ADGRL3: variants seen among roughly 807,000 people sequenced by gnomAD.
ADGRL3 encodes the protein adhesion G protein-coupled receptor L3.
Under a neutral mutation model 153.5 loss-of-function variants are expected in ADGRL3, and 62 were observed. That is an observed-to-expected ratio of 0.40 (90% CI 0.33 to 0.50). The LOEUF (loss-of-function observed/expected upper bound fraction) is 0.50, where lower values mean the gene tolerates loss of function less well. Among genes scored for constraint, ADGRL3 ranks in the 20% least tolerant of loss-of-function variants. ADGRL3 has a pLI of 0.47. For missense variants in ADGRL3, 1,641 were observed against 1,859.4 expected, an observed-to-expected ratio of 0.88 and a Z score of 2.16; for synonymous variants, 710 against 672.5, an observed-to-expected ratio of 1.06 and a Z score of -0.86.
At chr4:61,712,197 C>T (rs1423244661) in intron 6 of ADGRL3, among the ~76,000 whole-genome samples, 1 of 151,910 alleles carries the variant, frequency 6.6e-6, no homozygotes, top group African/African-American at 2.4e-5. Flanking sequence ...AATTCGAGAC[C>T]AGTCTGGGCA....
chr4:61,986,378 T>G (rs934106847), intron 19 of ADGRL3, among the ~76,000 whole-genome samples: 1 of 152,190 alleles, frequency 6.6e-6, no homozygotes, highest in African/African-American at 2.4e-5. Flanking sequence ...ATTTGTTTTG[T>G]TTGTGTTTTA....
At chr4:61,674,510 C>A (rs1215799976) in intron 5 of ADGRL3, among the ~76,000 whole-genome samples, 1 of 151,234 alleles carries the variant, frequency 6.6e-6, no homozygotes, top group African/African-American at 2.4e-5. Context: ...GACTATAGAC[C>A]AAGATAGGAA....
intron 1 of ADGRL3, among the ~76,000 whole-genome samples, chr4:61,252,606 A>G (rs1759702733): frequency 6.6e-6 from 1 of 152,166 alleles, no homozygotes; most frequent in South Asian, 2.1e-4. Flanking sequence ...AAGCACAATA[A>G]TATCAAATTC....
At chr4:61,720,934 C>T (rs60293956) in intron 6 of ADGRL3, among the ~76,000 whole-genome samples, 3,256 of 152,250 alleles carry the variant, frequency 0.021, 75 homozygotes, top group East Asian at 0.078. Context: ...TTATATGAGT[C>T]TTCTACTGTC....
At chr4:61,443,185 C>G (rs1199737078) in intron 2 of ADGRL3, among the ~76,000 whole-genome samples, 1 of 152,132 alleles carries the variant, frequency 6.6e-6, no homozygotes, top group South Asian at 2.1e-4. Flanking sequence ...GCAACATAGT[C>G]TGTTTACCAG....
At chr4:61,835,382 C>A in intron 9 of ADGRL3, among the ~76,000 whole-genome samples, 8 of 42,742 alleles carry the variant, frequency 1.9e-4, no homozygotes, top group South Asian at 1.5e-3. Context: ...ATTCAGCTGA[C>A]TGAGAAGAAA....
At chr4:61,751,632 T>G (rs772452348) in intron 8 of ADGRL3, among the ~76,000 whole-genome samples, 7 of 152,160 alleles carry the variant, frequency 4.6e-5, no homozygotes, top group Non-Finnish European at 7.4e-5. Context: ...AACGATTTAA[T>G]TATTGGAGGA....
intron 1 of ADGRL3, among the ~76,000 whole-genome samples, chr4:61,372,489 G>T (rs1272040820): frequency 6.6e-6 from 1 of 152,206 alleles, no homozygotes; most frequent in Admixed American, 6.5e-5. Flanking sequence ...GTACCCTGCA[G>T]TGTGAGGTGT....
At chr4:61,808,507 A>G (rs1328614768) in intron 8 of ADGRL3, among the ~76,000 whole-genome samples, 1 of 152,166 alleles carries the variant, frequency 6.6e-6, no homozygotes, top group Non-Finnish European at 1.5e-5. Flanking sequence ...AAGGGGGGAA[A>G]AAAGAAACCA....
At chr4:61,377,286 T>C (rs918123842) in intron 1 of ADGRL3, among the ~76,000 whole-genome samples, 1 of 152,044 alleles carries the variant, frequency 6.6e-6, no homozygotes, top group Non-Finnish European at 1.5e-5. Context: ...TTCCCTTCCT[T>C]GCATCAATTA....
chr4:61,474,474 A>G (rs2098017900), intron 2 of ADGRL3, among the ~76,000 whole-genome samples: 1 of 152,152 alleles, frequency 6.6e-6, no homozygotes, highest in African/African-American at 2.4e-5. Context: ...TATTCACAGC[A>G]TTTGTTTAGG....
intron 1 of ADGRL3, among the ~76,000 whole-genome samples, chr4:61,252,842 T>G (rs1046961881): frequency 1.3e-5 from 2 of 152,186 alleles, no homozygotes; most frequent in African/African-American, 4.8e-5. Context: ...TGTCTGCTAT[T>G]TAATTTTTAT....
rs565418053 is a variant in ADGRL3 at position 61,717,336 on chromosome 4, G to A, written c.584-13286G>A. On this transcript the variant is annotated intron_variant, in intron 6 of 26. Transcript: ENST00000683033. ...CCATTGACCTTTGAAATAGGGCATC[G>A]GAATTGTGCTACTTCATTTCCTGGG... 2.6e-5 allele frequency among the ~76,000 whole-genome samples: 4 copies of A among 151,912 alleles called. No homozygotes were observed. The East Asian group carries it at 7.8e-4, about 30-fold the overall frequency.
intron 25 of ADGRL3, among the ~76,000 whole-genome samples, chr4:62,066,550 A>G (rs756772937): frequency 6.6e-6 from 1 of 152,070 alleles, no homozygotes; most frequent in Admixed American, 6.6e-5. Context: ...TCTTCTTGTC[A>G]GTATTAGGAA....
chr4:61,809,158 A>T lies in ADGRL3; in HGVS notation c.1400-4651A>T, dbSNP rs2097581461. Among the ~76,000 whole-genome samples the T allele has an allele frequency of 2.0e-5, 3 of 152,140 alleles. No homozygotes were observed. In the South Asian group the frequency reaches 6.2e-4, roughly 32 times the overall value. ...ACCATCAGCTATTAAACTTGTTTGC[A>T]GCACTATATAGAAAATGGCGAAAAG... On this transcript the variant is annotated intron_variant, in intron 8 of 26. Coordinates refer to ENST00000683033, the MANE Select transcript of ADGRL3 (RefSeq NM_001387552.1).
intron 9 of ADGRL3, among the ~76,000 whole-genome samples, chr4:61,860,960 C>T (rs1266290587): frequency 1.3e-5 from 2 of 152,186 alleles, no homozygotes; most frequent in African/African-American, 4.8e-5. Flanking sequence ...CTAAGCCACA[C>T]TGCCAAATAT....
At position 61,722,326 on chromosome 4, in the gene ADGRL3, C is replaced by T. The variant is rs138794484; in HGVS notation, c.584-8296C>T. On this transcript the variant is annotated intron_variant, in intron 6 of 26. Coordinates refer to ENST00000683033, the MANE Select transcript of ADGRL3 (RefSeq NM_001387552.1). ...GAAATCTTGTGAATTAATCTTGGAACGGTAAGTTTCTATCATCATTTCATG... is the reference window on the plus strand; with the variant it reads ...GAAATCTTGTGAATTAATCTTGGAATGGTAAGTTTCTATCATCATTTCATG... 4.0e-3 allele frequency among the ~76,000 whole-genome samples: 608 copies of T among 152,112 alleles called. 5 individuals carry two copies. Among genetic ancestry groups the T allele is most frequent in the African/African-American group, 0.014 (567 of 41,490 alleles).
chr4:61,377,072 G>T (rs1398030763), intron 1 of ADGRL3, among the ~76,000 whole-genome samples: 1 of 152,082 alleles, frequency 6.6e-6, no homozygotes, highest in Non-Finnish European at 1.5e-5. Context: ...CACAATGGCT[G>T]GGTATATAGA....
At chr4:61,954,202 T>A (rs897797205) in intron 17 of ADGRL3, among the ~76,000 whole-genome samples, 1 of 152,110 alleles carries the variant, frequency 6.6e-6, no homozygotes, top group Non-Finnish European at 1.5e-5. Flanking sequence ...TTCTTTCAGA[T>A]GCTCTGGTCC....
Sources: gnomAD v4.1 joint callset for allele counts (sites outside exome capture counted in the v4.1 genomes callset) on GRCh38, gnomAD v4.1.1 for gene constraint, MANE v1.5 for transcripts, NCBI Gene and HGNC (gene_info 2026-07-23, HGNC 2026-07-21) for gene names.